Variants in TMEM17 observed in about 807,000 individuals in gnomAD.
TMEM17 encodes transmembrane protein 17.
In TMEM17, 15 loss-of-function variants were observed where a neutral mutation model predicts 19.1. The observed-to-expected ratio is 0.78, with a 90% CI of 0.52 to 1.21. The LOEUF is 1.21. Among genes scored for constraint, TMEM17 ranks in the 50% most tolerant of loss-of-function variants. TMEM17 has a pLI of 0.00. For missense variants in TMEM17, 245 were observed against 242.3 expected, an observed-to-expected ratio of 1.01 and a Z score of -0.07; for synonymous variants, 103 against 86.9, an observed-to-expected ratio of 1.19 and a Z score of -1.03.
the TMEM17 span, among the ~76,000 whole-genome samples, chr2:62,468,240 C>T: frequency 5.3e-5 from 8 of 152,130 alleles, no homozygotes; most frequent in South Asian, 2.1e-4. Context: ...AAAGAGGCTG[C>T]GGTTTGGCCC....
At chr2:62,497,077 C>A (rs1190978311), downstream of TMEM17, among the ~76,000 whole-genome samples, 1 of 152,174 alleles carries the variant, frequency 6.6e-6, no homozygotes, top group Non-Finnish European at 1.5e-5. Context: ...AGAAAAAAGA[C>A]CCTCCTAATA....
chr2:62,474,679 G>T, the TMEM17 span, among the ~76,000 whole-genome samples: 1 of 152,058 alleles, frequency 6.6e-6, no homozygotes, highest in Non-Finnish European at 1.5e-5. Flanking sequence ...AGGGTGCCCT[G>T]GGGGCTGGTA....
At chr2:62,485,835 G>A in the TMEM17 span, among the ~76,000 whole-genome samples, 1 of 152,146 alleles carries the variant, frequency 6.6e-6, no homozygotes, top group Non-Finnish European at 1.5e-5. Context: ...ATCAGTGAAC[G>A]GTGCTCCTGA....
chr2:62,488,792 CTTTTTTTTT>C, the TMEM17 span, among the ~76,000 whole-genome samples: 42 of 118,992 alleles, frequency 3.5e-4, no homozygotes, highest in African/African-American at 8.2e-4. Flanking sequence ...TTTTATTCTA[CTTTTTTTTT>C]TTTTTTTTTT....
At chr2:62,476,035 G>C in the TMEM17 span, among the ~76,000 whole-genome samples, 1 of 152,206 alleles carries the variant, frequency 6.6e-6, no homozygotes, top group Non-Finnish European at 1.5e-5. Context: ...CAGAGCTCTG[G>C]CCACTGCCTG....
chr2:62,457,903 C>A, the TMEM17 span, among the ~76,000 whole-genome samples: 111 of 152,294 alleles, frequency 7.3e-4, no homozygotes, highest in Non-Finnish European at 1.2e-3. This position sits in a 1 kb window ranked among gnomAD's most constrained non-coding sequence, Gnocchi z 4.2. Flanking sequence ...GTTGCACCAA[C>A]GTTTTCCTCA....
the TMEM17 span, among the ~76,000 whole-genome samples, chr2:62,479,473 G>T: frequency 1.3e-5 from 2 of 152,090 alleles, no homozygotes; most frequent in Middle Eastern, 3.2e-3. Flanking sequence ...CCATTCATCC[G>T]TTGTTGGACA....
chr2:62,503,752 C>A (rs1398669642), intron 1 of TMEM17, among the ~76,000 whole-genome samples: 1 of 152,192 alleles, frequency 6.6e-6, no homozygotes, highest in Non-Finnish European at 1.5e-5. Flanking sequence ...TAATTTGAGA[C>A]CCTCATAGAA....
chr2:62,504,232 A>T (rs1262317633), intron 1 of TMEM17, among the ~76,000 whole-genome samples: 1 of 152,240 alleles, frequency 6.6e-6, no homozygotes, highest in East Asian at 1.9e-4. Context: ...GCAACTGTTT[A>T]TTAAATTACC....
the TMEM17 span, among the ~76,000 whole-genome samples, chr2:62,494,737 C>A: frequency 6.6e-6 from 1 of 152,188 alleles, no homozygotes; most frequent in Non-Finnish European, 1.5e-5. Flanking sequence ...GACGCAGTGG[C>A]TCACACCTGT....
chr2:62,479,517 A>C, the TMEM17 span, among the ~76,000 whole-genome samples: 1 of 152,104 alleles, frequency 6.6e-6, no homozygotes, highest in Non-Finnish European at 1.5e-5. Flanking sequence ...TATCTTGGCT[A>C]TTGTGAATAG....
At chr2:62,472,486 A>G in the TMEM17 span, among the ~76,000 whole-genome samples, 3 of 152,330 alleles carry the variant, frequency 2.0e-5, no homozygotes, top group African/African-American at 4.8e-5. Flanking sequence ...TCTGTCTCCC[A>G]AATGAAGCTA....
chr2:62,489,013 C>T, the TMEM17 span, among the ~76,000 whole-genome samples: 1 of 152,132 alleles, frequency 6.6e-6, no homozygotes, highest in Non-Finnish European at 1.5e-5. Context: ...GACACCCTTA[C>T]CAGGTGACTC....
chr2:62,466,910 G>C, the TMEM17 span, among the ~76,000 whole-genome samples: 9 of 152,148 alleles, frequency 5.9e-5, no homozygotes, highest in Admixed American at 3.3e-4. Context: ...CTGCATATTG[G>C]CATCACCTGG....
chr2:62,505,393 A>G (rs1289793049), intron 1 of TMEM17, among the ~76,000 whole-genome samples: 2 of 152,112 alleles, frequency 1.3e-5, no homozygotes, highest in Non-Finnish European at 2.9e-5. Context: ...GGAAGGGGTG[A>G]GTTTTGTTGA....
chr2:62,497,316 G>A (rs62178011), downstream of TMEM17, among the ~76,000 whole-genome samples: 18,227 of 152,034 alleles, frequency 0.12, 1,236 homozygotes, highest in Non-Finnish European at 0.15. Flanking sequence ...CTGTTTAAAC[G>A]GTTCAGGGAT....
chr2:62,456,740 T>C, the TMEM17 span, among the ~76,000 whole-genome samples: 1 of 152,250 alleles, frequency 6.6e-6, no homozygotes, highest in Non-Finnish European at 1.5e-5. Context: ...GGAAGTCTTC[T>C]GGAGGTAGGC....
the TMEM17 span, among the ~76,000 whole-genome samples, chr2:62,460,472 C>T: frequency 1.3e-5 from 2 of 152,192 alleles, no homozygotes; most frequent in Non-Finnish European, 2.9e-5. Flanking sequence ...GTCACTCTCA[C>T]CCACAAACCT....
chr2:62,462,174 T>A, the TMEM17 span, among the ~76,000 whole-genome samples: 1 of 152,214 alleles, frequency 6.6e-6, no homozygotes, highest in African/African-American at 2.4e-5. Flanking sequence ...GCCCCAGTCC[T>A]GCACTCAAGT....
Sources: allele counts gnomAD v4.1 joint callset (sites outside exome capture counted in the v4.1 genomes callset), GRCh38; gene constraint gnomAD v4.1.1; non-coding constraint Gnocchi (gnomAD v3.1); transcripts MANE v1.5; gene names NCBI Gene and HGNC (gene_info 2026-07-23, HGNC 2026-07-21).